FSTL4: variants seen among roughly 807,000 people sequenced by gnomAD.
The protein encoded by FSTL4 is follistatin-related protein 4.
Under a neutral mutation model 78.2 loss-of-function variants are expected in FSTL4, and 28 were observed. The ratio of observed to expected loss-of-function variants is 0.36; its 90% CI spans 0.27 to 0.49. The LOEUF is 0.49. Ranked by LOEUF, FSTL4 falls within the 20% of genes least tolerant of loss-of-function variation. The probability of loss-of-function intolerance (pLI) is 0.98; values close to 1 mark genes in which losing one functional copy is unlikely to be tolerated. For missense variants in FSTL4, 922 were observed against 1,084.9 expected, an observed-to-expected ratio of 0.85 and a Z score of 2.11; for synonymous variants, 422 against 440.5, an observed-to-expected ratio of 0.96 and a Z score of 0.53.
At chr5:133,295,869 G>C (rs1753384142) in intron 6 of FSTL4, among the ~76,000 whole-genome samples, 1 of 152,122 alleles carries the variant, frequency 6.6e-6, no homozygotes, top group African/African-American at 2.4e-5. Context: ...GGCTCTTAGG[G>C]CTCTGTCTTG....
chr5:133,654,259 G>A, the FSTL4 span, among the ~76,000 whole-genome samples: 1 of 152,170 alleles, frequency 6.6e-6, no homozygotes, highest in Non-Finnish European at 1.5e-5. Context: ...ATTATGCATG[G>A]GGTCCTTTAC....
chr5:133,344,715 T>C (rs1266194300), intron 4 of FSTL4, among the ~76,000 whole-genome samples: 1 of 152,196 alleles, frequency 6.6e-6, no homozygotes, highest in Non-Finnish European at 1.5e-5. Context: ...GGTCTTCCAG[T>C]TTCTTCATCT....
intron 6 of FSTL4, among the ~76,000 whole-genome samples, chr5:133,287,902 C>T (rs1432904971): frequency 1.3e-5 from 2 of 152,170 alleles, no homozygotes; most frequent in African/African-American, 4.8e-5. Context: ...ACATCACAAG[C>T]ACTCTGCATC....
At chr5:133,510,252 C>A (rs1407688606) in intron 3 of FSTL4, among the ~76,000 whole-genome samples, 1 of 152,134 alleles carries the variant, frequency 6.6e-6, no homozygotes, top group Non-Finnish European at 1.5e-5. Context: ...AAACAATAGA[C>A]AACAGCCCAC....
intron 1 of FSTL4, among the ~76,000 whole-genome samples, chr5:133,609,671 TC>T (rs1761050407): frequency 6.6e-6 from 1 of 152,238 alleles, no homozygotes; most frequent in Admixed American, 6.5e-5. Context: ...ATTAGTTAAT[TC>T]TTCCCCAACA....
At chr5:133,493,848 G>A (rs1403532609) in intron 3 of FSTL4, among the ~76,000 whole-genome samples, 2 of 152,096 alleles carry the variant, frequency 1.3e-5, no homozygotes, top group Non-Finnish European at 2.9e-5. Flanking sequence ...GAGAATGGAG[G>A]GGTCCAGGGT....
chr5:133,456,415 G>C (rs557810511), intron 3 of FSTL4, among the ~76,000 whole-genome samples: 64 of 152,330 alleles, frequency 4.2e-4, no homozygotes, highest in African/African-American at 1.5e-3. Context: ...CACTTGGCTA[G>C]TGAGCCCTGC....
chr5:133,814,394 T>C, the FSTL4 span, among the ~76,000 whole-genome samples: 1 of 152,164 alleles, frequency 6.6e-6, no homozygotes, highest in Non-Finnish European at 1.5e-5. Flanking sequence ...TCCCTGGGTG[T>C]GGCTGGAGGG....
At chr5:133,372,738 G>A (rs1267542644) in intron 4 of FSTL4, among the ~76,000 whole-genome samples, 1 of 152,232 alleles carries the variant, frequency 6.6e-6, no homozygotes, top group Non-Finnish European at 1.5e-5. Context: ...TCTCTGGAGA[G>A]TTCAGGGAAT....
At chr5:133,330,787 A>G (rs17166580) in intron 4 of FSTL4, among the ~76,000 whole-genome samples, 10,129 of 152,240 alleles carry the variant, frequency 0.067, 1,133 homozygotes, top group African/African-American at 0.23. Flanking sequence ...GACAGGGGGT[A>G]AAGACAAGTG....
intron 4 of FSTL4, among the ~76,000 whole-genome samples, chr5:133,335,360 G>A (rs971501342): frequency 5.9e-5 from 9 of 151,986 alleles, no homozygotes; most frequent in African/African-American, 2.2e-4. Flanking sequence ...ACTGAAGTAT[G>A]GACTCAGGCA....
At chr5:133,418,115 C>T (rs1235880135) in intron 3 of FSTL4, among the ~76,000 whole-genome samples, 1 of 150,580 alleles carries the variant, frequency 6.6e-6, no homozygotes, top group Non-Finnish European at 1.5e-5. Flanking sequence ...AAGGAAAAGA[C>T]ATCACTAAAC....
the FSTL4 span, among the ~76,000 whole-genome samples, chr5:133,768,150 C>T: frequency 2.6e-5 from 4 of 152,186 alleles, no homozygotes; most frequent in Non-Finnish European, 5.9e-5. Flanking sequence ...TATTCCTCCT[C>T]CTGGGGTCCA....
At chr5:133,828,205 T>C in the FSTL4 span, among the ~76,000 whole-genome samples, 1 of 152,116 alleles carries the variant, frequency 6.6e-6, no homozygotes, top group Non-Finnish European at 1.5e-5. Context: ...GTCTGGTGGC[T>C]TCCTGGGGAA....
rs1371421544 is a variant in FSTL4 at position 133,338,374 on chromosome 5, C to T, written c.410-21722G>A. On this transcript the variant is annotated intron_variant, in intron 4 of 15. Transcript: ENST00000265342. This position sits in a 1 kb window ranked among gnomAD's most constrained non-coding sequence, Gnocchi z 4.0. ...GCCTCCACCATGCTCCATCTTCCCA[C>T]CCTGGTGTTCTCAGGCCCTTTTAAA... Among the ~76,000 whole-genome samples the T allele has an allele frequency of 6.6e-6, 1 of 152,158 alleles. No homozygotes were observed. Among genetic ancestry groups the T allele is most frequent in the Non-Finnish European group, 1.5e-5 (1 of 68,022 alleles).
At chr5:133,330,713 C>T (rs546176266) in intron 4 of FSTL4, among the ~76,000 whole-genome samples, 1 of 152,200 alleles carries the variant, frequency 6.6e-6, no homozygotes, top group East Asian at 1.9e-4. Context: ...TGACATGTAT[C>T]CATTTCAAGA....
the FSTL4 span, among the ~76,000 whole-genome samples, chr5:133,750,624 T>C: frequency 1.3e-5 from 2 of 152,032 alleles, no homozygotes; most frequent in Non-Finnish European, 2.9e-5. Context: ...CTAGAGTGGG[T>C]ACGAGAAGCC....
At chr5:133,674,617 G>A in the FSTL4 span, among the ~76,000 whole-genome samples, 1 of 151,316 alleles carries the variant, frequency 6.6e-6, no homozygotes. Flanking sequence ...GTGTCTGTGT[G>A]TGTGTGTGTG....
At chr5:133,484,641 T>G (rs1758096171) in intron 3 of FSTL4, among the ~76,000 whole-genome samples, 1 of 152,214 alleles carries the variant, frequency 6.6e-6, no homozygotes, top group African/African-American at 2.4e-5. Flanking sequence ...CTGCACTTGG[T>G]GGAAGCCCTT....
Sources: allele counts gnomAD v4.1 joint callset (sites outside exome capture counted in the v4.1 genomes callset), GRCh38; gene constraint gnomAD v4.1.1; non-coding constraint Gnocchi (gnomAD v3.1); transcripts MANE v1.5; gene names NCBI Gene and HGNC (gene_info 2026-07-23, HGNC 2026-07-21).